IL4I1: variants seen among roughly 807,000 people sequenced by gnomAD.
IL4I1 encodes the protein interleukin 4 induced 1, also known as L-amino-acid oxidase.
Under a neutral mutation model 29.7 loss-of-function variants are expected in IL4I1, and 24 were observed. That is an observed-to-expected ratio of 0.81 (90% CI 0.59 to 1.14). IL4I1 has a LOEUF of 1.14. IL4I1 is among the 50% of genes most tolerant of loss of function. The pLI, the probability that IL4I1 is intolerant of heterozygous loss-of-function variation, is 0.00. For missense variants in IL4I1, 686 were observed against 785.6 expected (o/e 0.87, Z 1.52); for synonymous variants, 371 against 352.5 (o/e 1.05, Z -0.59).
chr19:49,918,899 G>A lies in IL4I1; in HGVS notation c.-228+8795C>T, dbSNP rs1390380008. Among the ~76,000 whole-genome samples the A allele has an allele frequency of 2.5e-4, 32 of 129,690 alleles. 2 individuals carry two copies. Among genetic ancestry groups the A allele is most frequent in the Admixed American group, 2.0e-3 (27 of 13,334 alleles). 85.1% of individuals were successfully genotyped at this position (129,690 alleles called of 152,430 possible). On this transcript the variant is annotated intron_variant, in intron 2 of 9. Coordinates refer to the IL4I1 transcript ENST00000341114. ...AATCCCAGCACTTTGGGAGGCTGGG[G>A]GGGGGGGGGCGGGGTGTGGGGGGGC...
chr19:49,913,260 G>C (rs2075525089), intron 2 of IL4I1: 1 of 152,266 alleles, frequency 6.6e-6, no homozygotes, highest in Non-Finnish European at 1.5e-5. Flanking sequence ...GAGTGACTTG[G>C]CAAGCCTGGG....
intron 2 of IL4I1, among the ~76,000 whole-genome samples, chr19:49,920,278 T>G (rs560451640): frequency 6.6e-6 from 1 of 152,332 alleles, no homozygotes; most frequent in East Asian, 1.9e-4. Flanking sequence ...AGACGGGGTT[T>G]CGCCATGTTG....
chr19:49,905,878 C>T (rs549518887), intron 2 of IL4I1, among the ~76,000 whole-genome samples: 1 of 152,290 alleles, frequency 6.6e-6, no homozygotes, highest in Admixed American at 6.5e-5. Flanking sequence ...GCTGGGATTA[C>T]AGGTGTGAGC....
At chr19:49,897,952 A>T (rs1445450615), upstream of IL4I1, among the ~76,000 whole-genome samples, 1 of 152,220 alleles carries the variant, frequency 6.6e-6, no homozygotes, top group African/African-American at 2.4e-5. Flanking sequence ...CATGTGACGC[A>T]GGGGCGGGAG....
intron 2 of IL4I1, among the ~76,000 whole-genome samples, chr19:49,926,208 C>CAAA (rs33981121): frequency 0.021 from 872 of 42,202 alleles, 50 homozygotes; most frequent in African/African-American, 0.045. Flanking sequence ...GACTCTGTCT[C>CAAA]AAAAAAAAAA....
In IL4I1 at chr19:49,894,412, G is replaced by A. The variant is rs151270305; in HGVS notation, c.423C>T (p.Tyr141=). The A allele has an allele frequency of 3.0e-4, 482 of 1,614,056 alleles. No individual in the cohort carries two copies. Among genetic ancestry groups the A allele is most frequent in the Non-Finnish European group, 3.9e-4 (461 of 1,180,012 alleles). Residue 141 remains tyrosine (Y), a synonymous_variant, in exon 5 of 8, where the codon TAC becomes TAT. Coordinates refer to ENST00000391826, the MANE Select transcript of IL4I1 (RefSeq NM_152899.2). ...GCACCTCCGTCCACGTGTTCTTGTC[G>A]TACTGGGTGAACTTGGTCAGGTTGA... ...LGLNLTKFTQ[Y]DKNTWTEVHE...
At chr19:49,900,727 G>A (rs182403026), upstream of IL4I1, among the ~76,000 whole-genome samples, 9 of 152,306 alleles carry the variant, frequency 5.9e-5, no homozygotes, top group South Asian at 2.1e-4. Context: ...TGGAGGGAGC[G>A]GAGGGGAGGA....
At chr19:49,909,059 G>A (rs776473346) in intron 2 of IL4I1, 1 of 1,613,018 alleles carries the variant, frequency 6.2e-7, no homozygotes, top group African/African-American at 1.3e-5. Context: ...TGTCCCAGCA[G>A]TGGGGGCGCC....
intron 2 of IL4I1, chr19:49,906,891 C>G (rs1032186441): frequency 6.6e-6 from 1 of 152,242 alleles, no homozygotes; most frequent in Admixed American, 6.5e-5. Flanking sequence ...GAGAATTCAG[C>G]AAAGTATAAA....
intron 3 of IL4I1, 113 bp downstream of exon 3, chr19:49,895,702 C>CCCCAAACCCA: frequency 1.3e-6 from 1 of 748,610 alleles, no homozygotes; most frequent in Non-Finnish European, 2.2e-6. Context: ...AGCCTCTCCC[C>CCCCAAACCCA]CCACATCCCC....
chr19:49,890,931 C>CGGG, intron 7 of IL4I1, 40 bp downstream of exon 7: 4 of 402,762 alleles, frequency 9.9e-6, no homozygotes, highest in Non-Finnish European at 1.7e-5. Context: ...CCCTGATTGC[C>CGGG]CCCCGCCCCC....
At chr19:49,905,768 CAT>C (rs1385869513) in intron 2 of IL4I1, among the ~76,000 whole-genome samples, 4 of 152,078 alleles carry the variant, frequency 2.6e-5, no homozygotes, top group South Asian at 2.1e-4. Flanking sequence ...GCCACCAGCT[CAT>C]GTTTGTATTT....
chr19:49,907,885 C>T (rs942928991), intron 2 of IL4I1: 1 of 401,748 alleles, frequency 2.5e-6, no homozygotes, highest in Admixed American at 4.0e-5. Context: ...TATGACTATG[C>T]TTTGGAGAGA....
chr19:49,914,647 T>G (rs2075571601), intron 2 of IL4I1, among the ~76,000 whole-genome samples: 1 of 151,520 alleles, frequency 6.6e-6, no homozygotes. Context: ...AGAACCAGGG[T>G]TCTTTGCTGT....
At chr19:49,918,253 T>C (rs1246251497) in intron 2 of IL4I1, among the ~76,000 whole-genome samples, 1 of 152,104 alleles carries the variant, frequency 6.6e-6, no homozygotes, top group Admixed American at 6.6e-5. Flanking sequence ...TTTGTAGAGA[T>C]GGGGTCTCAC....
At chr19:49,909,159 T>A (rs1202265242) in intron 2 of IL4I1, 2 of 1,613,208 alleles carry the variant, frequency 1.2e-6, no homozygotes, top group South Asian at 2.2e-5. Context: ...CTGGGCCCAG[T>A]GCTGGTGATG....
At chr19:49,924,926 T>C (rs2075850129) in intron 2 of IL4I1, among the ~76,000 whole-genome samples, 2 of 152,068 alleles carry the variant, frequency 1.3e-5, no homozygotes, top group South Asian at 4.1e-4. Flanking sequence ...AAACCGCACA[T>C]AGCCAGCAAT....
intron 2 of IL4I1, among the ~76,000 whole-genome samples, chr19:49,924,531 C>T (rs1262185019): frequency 1.3e-5 from 2 of 152,200 alleles, no homozygotes; most frequent in African/African-American, 2.4e-5. Flanking sequence ...CAGGCCCCTC[C>T]GCACCGAAAA....
intron 7 of IL4I1, 89 bp downstream of exon 7, chr19:49,890,881 GC>G: frequency 1.8e-6 from 2 of 1,112,732 alleles, no homozygotes; most frequent in Non-Finnish European, 2.5e-6. Context: ...CAACAGCCCC[GC>G]CCCCAGACCC....
Sources: gnomAD v4.1 joint callset for allele counts (sites outside exome capture counted in the v4.1 genomes callset) on GRCh38, gnomAD v4.1.1 for gene constraint, MANE v1.5 for transcripts, NCBI Gene and HGNC (gene_info 2026-07-23, HGNC 2026-07-21) for gene names.